DGAT2L6: variants seen among roughly 807,000 people sequenced by gnomAD.
DGAT2L6 encodes diacylglycerol O-acyltransferase 2 like 6.
A neutral mutation model predicts 25.5 loss-of-function variants in DGAT2L6; 22 were observed. The observed-to-expected ratio is 0.86, with a 90% confidence interval of 0.62 to 1.23. The LOEUF (loss-of-function observed/expected upper bound fraction) is 1.23, where lower values mean the gene tolerates loss of function less well. Among genes scored for constraint, DGAT2L6 ranks in the 50% most tolerant of loss-of-function variants. The pLI is 0.00. For synonymous variants in DGAT2L6, 100 were observed against 94.7 expected, an observed-to-expected ratio of 1.06 and a Z score of -0.32; for missense variants, 287 against 253.2, an observed-to-expected ratio of 1.13 and a Z score of -0.91.
intron 1 of DGAT2L6, among the ~76,000 whole-genome samples, chrX:70,183,405 G>C (rs749444232): frequency 1.5e-4 from 17 of 112,213 alleles, no homozygotes; most frequent in African/African-American, 3.9e-4. Context: ...CCTCCTTTTA[G>C]ATATTACTCA....
In DGAT2L6 at chrX:70,204,338, G is replaced by A. The variant is rs747655169; in HGVS notation, c.681G>A (p.Glu227=). Residue 227 remains glutamate, a synonymous_variant, in exon 6 of 7, where the codon GAG becomes GAA. Transcript: ENST00000333026. ...TTGTCCCTTCATATTCCTTTGGTGA[G>A]AACGAAGTTTTCAATCAGGAGACCT... ...AYLVPSYSFG[E]NEVFNQETFP... is the part of the protein sequence containing the mutation. 5 of 1,209,369 alleles carry A rather than the reference G, an allele frequency of 4.1e-6. No homozygotes were observed. Among genetic ancestry groups the A allele is most frequent in the Non-Finnish European group, 5.6e-6 (5 of 894,373 alleles).
chrX:70,204,357 G>C lies in DGAT2L6; in HGVS notation c.700G>C (p.Glu234Gln). 1 of 1,210,605 alleles carries C rather than the reference G, an allele frequency of 8.3e-7. No individual in the cohort carries two copies. Among genetic ancestry groups the C allele is most frequent in the Non-Finnish European group, 1.1e-6 (1 of 895,077 alleles). ...SFGENEVFNQ[E>Q]TFPEGTWLRL... ...TGGTGAGAACGAAGTTTTCAATCAG[G>C]AGACCTTCCCTGAGGGCACGTGGTT... The change falls in exon 6 of 7, where the codon GAG becomes CAG. Residue 234 changes from glutamate (E) to glutamine (Q), a missense_variant. By Grantham distance (29) the Glu-to-Gln change is conservative. Transcript: ENST00000333026.
intron 1 of DGAT2L6, among the ~76,000 whole-genome samples, chrX:70,193,972 A>C (rs1029832465): frequency 3.6e-5 from 4 of 112,382 alleles, no homozygotes; most frequent in African/African-American, 1.3e-4. Context: ...CTGTTAGCAG[A>C]TGACATAATC....
At position 70,183,980 on chromosome X, in the gene DGAT2L6, G is replaced by GAGTGAGTTGTGATC. The variant is rs1250647938; in HGVS notation, c.85+6315_85+6328dup. ...CTTTGAGCCTAAGAGGTAAAGGTTA[G>GAGTGAGTTGTGATC]AGTGAGTTGTGATCACGCTATTGCA... On this transcript the variant is annotated intron_variant, in intron 1 of 6. Transcript: ENST00000333026. 3.6e-5 allele frequency among the ~76,000 whole-genome samples: 4 copies of GAGTGAGTTGTGATC among 111,438 alleles called. No homozygotes were observed. The East Asian group carries it at 1.1e-3, about 31-fold the overall frequency.
At chrX:70,198,739 C>T (rs1224993743) in intron 1 of DGAT2L6, among the ~76,000 whole-genome samples, 2 of 111,084 alleles carry the variant, frequency 1.8e-5, no homozygotes, top group Non-Finnish European at 3.8e-5. Flanking sequence ...GGGGTTTCAC[C>T]GTGTTAGCCA....
chrX:70,192,518 T>G (rs1442091571), intron 1 of DGAT2L6, among the ~76,000 whole-genome samples: 1 of 112,312 alleles, frequency 8.9e-6, no homozygotes, highest in Non-Finnish European at 1.9e-5. Flanking sequence ...CATTAACAAA[T>G]TATTGTAGCT....
intron 4 of DGAT2L6, among the ~76,000 whole-genome samples, chrX:70,201,327 T>A (rs1049221538): frequency 1.8e-5 from 2 of 112,437 alleles, no homozygotes; most frequent in African/African-American, 3.2e-5. Flanking sequence ...TGAGAAAGGC[T>A]AGATGATTGT....
chrX:70,182,500 G>GTTTTT (rs1569427599), intron 1 of DGAT2L6, among the ~76,000 whole-genome samples: 5 of 38,979 alleles, frequency 1.3e-4, no homozygotes, highest in East Asian at 1.1e-3. Flanking sequence ...TTTTTTTTGA[G>GTTTTT]ACGGAGTCTT....
Position 70,205,317 on chromosome X carries a change from G to C in DGAT2L6, c.*211G>C, listed in dbSNP as rs903142890. ...CTTAGGGGAAAGAACCAGAGGGGCA[G>C]GGGAGGACTGGGGAGGGCTGGCTAG... On this transcript the variant is annotated 3_prime_UTR_variant, in exon 7 of 7. Coordinates refer to ENST00000333026, the MANE Select transcript of DGAT2L6 (RefSeq NM_198512.3). 1.9e-5 allele frequency: 7 copies of C among 365,385 alleles called. No individual in the cohort carries two copies. Among genetic ancestry groups the C allele is most frequent in the Admixed American group, 6.1e-5 (1 of 16,446 alleles). 30.1% of individuals were successfully genotyped at this position (365,385 alleles called of 1,213,427 possible).
At chrX:70,179,215 T>C (rs1306457113) in intron 1 of DGAT2L6, among the ~76,000 whole-genome samples, 1 of 112,398 alleles carries the variant, frequency 8.9e-6, no homozygotes, top group African/African-American at 3.2e-5. Context: ...AGCCCATTGA[T>C]GGCTTGACTT....
chrX:70,203,205 T>C (rs1209092690), intron 5 of DGAT2L6, among the ~76,000 whole-genome samples: 2 of 112,562 alleles, frequency 1.8e-5, no homozygotes, highest in Non-Finnish European at 3.7e-5. Context: ...GTTTACCAAC[T>C]ATTTTCAATG....
intron 1 of DGAT2L6, among the ~76,000 whole-genome samples, chrX:70,182,425 C>G (rs749632302): frequency 9.4e-6 from 1 of 106,300 alleles, no homozygotes; most frequent in African/African-American, 3.5e-5. Flanking sequence ...TCCACCCTCT[C>G]CAATCTATTC....
intron 1 of DGAT2L6, among the ~76,000 whole-genome samples, chrX:70,198,181 C>T (rs1460410133): frequency 8.9e-6 from 1 of 112,155 alleles, no homozygotes; most frequent in African/African-American, 3.2e-5. Flanking sequence ...TACTTAGCCC[C>T]TCTTTCTCAT....
Position 70,201,933 on chromosome X carries a change from C to A in DGAT2L6, c.516C>A (p.Thr172=), listed in dbSNP as rs778818580. 1.7e-6 allele frequency: 2 copies of A among 1,203,694 alleles called. No individual in the cohort carries two copies. Among genetic ancestry groups the A allele is most frequent in the East Asian group, 6.0e-5 (2 of 33,263 alleles). ...VSSSALKYLL[T]QKGSGNAVVI... ...GCTCAGCCTTGAAGTACTTGCTGACCCAGAAAGGCTCAGGCAATGCCGTGG... is the reference window on the plus strand; with the variant it reads ...GCTCAGCCTTGAAGTACTTGCTGACACAGAAAGGCTCAGGCAATGCCGTGG... Residue 172 remains threonine, a synonymous_variant, in exon 5 of 7, where the codon ACC becomes ACA. Transcript: ENST00000333026.
intron 1 of DGAT2L6, among the ~76,000 whole-genome samples, chrX:70,190,539 C>T (rs1820261476): frequency 8.9e-6 from 1 of 111,735 alleles, no homozygotes; most frequent in Admixed American, 9.5e-5. Flanking sequence ...AGCTACAATG[C>T]CATTTGGTCA....
chrX:70,183,804 G>T (rs1301382417), intron 1 of DGAT2L6, among the ~76,000 whole-genome samples: 2 of 109,942 alleles, frequency 1.8e-5, no homozygotes, highest in African/African-American at 6.6e-5. Flanking sequence ...GCCGAGGTGG[G>T]AGGATCGCTC....
At chrX:70,182,453 G>A (rs2085346041) in intron 1 of DGAT2L6, among the ~76,000 whole-genome samples, 1 of 98,953 alleles carries the variant, frequency 1.0e-5, no homozygotes, top group Non-Finnish European at 2.0e-5. Flanking sequence ...TACTTCTGGA[G>A]GTCTTTCAAA....
intron 1 of DGAT2L6, among the ~76,000 whole-genome samples, chrX:70,181,459 A>C (rs2085343027): frequency 8.9e-6 from 1 of 112,527 alleles, no homozygotes; most frequent in Non-Finnish European, 1.9e-5. Flanking sequence ...TACAACACAA[A>C]TCCTGGGTCT....
intron 1 of DGAT2L6, among the ~76,000 whole-genome samples, chrX:70,186,943 T>C (rs2085361481): frequency 8.9e-6 from 1 of 112,077 alleles, no homozygotes; most frequent in South Asian, 3.7e-4. Context: ...TCAGACTTTA[T>C]TCTGTCAGCA....
Sources: allele counts gnomAD v4.1 joint callset (sites outside exome capture counted in the v4.1 genomes callset), GRCh38; gene constraint gnomAD v4.1.1; transcripts MANE v1.5; gene names NCBI Gene and HGNC (gene_info 2026-07-23, HGNC 2026-07-21).